PRCD: variants seen among roughly 807,000 people sequenced by gnomAD.
PRCD encodes photoreceptor disc component.
Under a neutral mutation model 10.1 loss-of-function variants are expected in PRCD, and 12 were observed. The ratio of observed to expected loss-of-function variants is 1.18; its 90% confidence interval spans 0.76 to 1.92. The LOEUF is 1.92. Among genes scored for constraint, PRCD ranks in the 40% most tolerant of loss-of-function variants. PRCD has a pLI of 0.00. For synonymous variants in PRCD, 31 were observed against 26.2 expected (o/e 1.18, Z -0.56); for missense variants, 61 against 72.2 (o/e 0.84, Z 0.56).
At chr17:76,542,827 C>T (rs529877952) in intron 3 of PRCD, among the ~76,000 whole-genome samples, 194 bp downstream of exon 3, 5 of 152,272 alleles carry the variant, frequency 3.3e-5, no homozygotes, top group African/African-American at 1.2e-4. Flanking sequence ...GGCCATGGGG[C>T]AAGGATGAGT....
At chr17:76,536,788 T>C (rs2074918281), upstream of PRCD, among the ~76,000 whole-genome samples, 1 of 152,160 alleles carries the variant, frequency 6.6e-6, no homozygotes, top group Non-Finnish European at 1.5e-5. Context: ...GATTGTATCC[T>C]AGGGGACTGT....
rs533594657 is a variant in PRCD, at chr17:76,528,561, G to T, written n.45+728G>T. Reference sequence around the variant, plus strand: ...CTGCTCGAGGTGCTGCCAGGGAGGGGGGTGGAGTTAGGGGTCCTACGGCCC... The same window carrying T: ...CTGCTCGAGGTGCTGCCAGGGAGGGTGGTGGAGTTAGGGGTCCTACGGCCC... On this transcript the variant is annotated intron_variant and non_coding_transcript_variant, in intron 1 of 4. Coordinates refer to the PRCD transcript ENST00000397633. The surrounding 1 kb of genome is among the most constrained non-coding windows in gnomAD (Gnocchi z 5.8). 4 of 1,291,302 alleles carry T rather than the reference G, an allele frequency of 3.1e-6. 1 individual carries two copies. In the South Asian group the frequency reaches 1.2e-4, roughly 38 times the overall value. 80.0% of individuals were successfully genotyped at this position (1,291,302 alleles called of 1,614,324 possible). A position where few individuals can be genotyped will look rare whatever the true frequency, so the allele number is the denominator to read the frequency against.
upstream of PRCD, chr17:76,538,013 G>C (rs1256371213): frequency 6.6e-6 from 1 of 151,464 alleles, no homozygotes; most frequent in East Asian, 1.9e-4. Flanking sequence ...GGCGGCGCGG[G>C]CCGCACAGGA....
Position 76,540,114 on chromosome 17 carries a change from G to A in PRCD, c.-28G>A, listed in dbSNP as rs756245857. On this transcript the variant is annotated 5_prime_UTR_variant, in exon 1 of 5. Transcript: ENST00000592014. This position sits in a 1 kb window ranked among gnomAD's most constrained non-coding sequence, Gnocchi z 5.0. Reference sequence around the variant, plus strand: ...TCGCCTGTGGCCTTCTGCAGACTTGGCCTGGGAGGGGATGGGGCAGCTGCG... The same window carrying A: ...TCGCCTGTGGCCTTCTGCAGACTTGACCTGGGAGGGGATGGGGCAGCTGCG... 1.9e-6 allele frequency: 3 copies of A among 1,588,454 alleles called. No individual in the cohort carries two copies. Among genetic ancestry groups the A allele is most frequent in the East Asian group, 2.3e-5 (1 of 44,008 alleles).
intron 3 of PRCD, 136 bp downstream of exon 3, chr17:76,542,769 C>G: frequency 1.5e-6 from 1 of 680,182 alleles, no homozygotes. Context: ...TCAAAGTAGG[C>G]GGATGGACTC....
chr17:76,531,289 G>T lies in PRCD; in HGVS notation n.45+3456G>T. ...TGGGAACCCCGTGCTCTCAGGACAA[G>T]GGTTGCCCTGGACCCAGCCCCTCCA... On this transcript the variant is annotated intron_variant and non_coding_transcript_variant, in intron 1 of 4. Transcript: ENST00000397633. The surrounding 1 kb of genome is among the most constrained non-coding windows in gnomAD (Gnocchi z 7.4). The T allele has an allele frequency of 1.7e-6, 2 of 1,199,198 alleles. No individual in the cohort carries two copies. The highest frequency in any genetic ancestry group is 2.3e-6 in the Non-Finnish European group (2 of 857,320). 74.3% of individuals were successfully genotyped at this position (1,199,198 alleles called of 1,614,324 possible).
upstream of PRCD, among the ~76,000 whole-genome samples, chr17:76,536,489 C>A (rs1238634002): frequency 1.3e-5 from 2 of 152,156 alleles, no homozygotes; most frequent in African/African-American, 4.8e-5. Flanking sequence ...TCTGCCTGCA[C>A]CCCCAGGGAC....
At position 76,528,483 on chromosome 17, in the gene PRCD, T is replaced by G; in HGVS notation, n.45+650T>G. 1 of 1,129,930 alleles carries G rather than the reference T, an allele frequency of 8.9e-7. No homozygotes were observed. The highest frequency in any genetic ancestry group is 1.6e-5 in the African/African-American group (1 of 62,084). The allele number at this position is 1,129,930 out of a possible 1,614,324, so 70.0% of individuals were successfully genotyped here. A position where few individuals can be genotyped will look rare whatever the true frequency, so the allele number is the denominator to read the frequency against. On this transcript the variant is annotated intron_variant and non_coding_transcript_variant, in intron 1 of 4. Transcript: ENST00000397633. This position sits in a 1 kb window ranked among gnomAD's most constrained non-coding sequence, Gnocchi z 5.8. ...AAGTTGAGTCAGGGATTCCTCCAGCTTCCTTGGCACCCAGAAATGGAGCGT... is the reference window on the plus strand; with the variant it reads ...AAGTTGAGTCAGGGATTCCTCCAGCGTCCTTGGCACCCAGAAATGGAGCGT...
chr17:76,542,817 G>A (rs1876379341), intron 3 of PRCD, among the ~76,000 whole-genome samples, 184 bp downstream of exon 3: 4 of 152,212 alleles, frequency 2.6e-5, no homozygotes, highest in Admixed American at 2.6e-4. Context: ...TTGTGGTCCG[G>A]GCCATGGGGC....
intron 1 of PRCD, among the ~76,000 whole-genome samples, chr17:76,532,254 G>C (rs747128240): frequency 2.0e-5 from 3 of 152,092 alleles, no homozygotes; most frequent in Non-Finnish European, 4.4e-5. Flanking sequence ...CACTATACTC[G>C]CATCATCCCT....
chr17:76,529,843 C>G (rs947456642), intron 1 of PRCD: 3 of 985,214 alleles, frequency 3.0e-6, no homozygotes, highest in Non-Finnish European at 3.6e-6. Flanking sequence ...CTGTGCACAT[C>G]TGGAGTTGGC....
At chr17:76,527,702 G>GA (rs772132310), upstream of PRCD, 4 of 453,914 alleles carry the variant, frequency 8.8e-6, no homozygotes, top group African/African-American at 4.0e-5. Context: ...CAGCAGCCCG[G>GA]ATCCCCCGGG....
chr17:76,543,191 G>C (rs1238123547), intron 4 of PRCD, 70 bp downstream of exon 4: 1 of 439,036 alleles, frequency 2.3e-6, no homozygotes, highest in Non-Finnish European at 4.7e-6. Flanking sequence ...GTGGGCTCCT[G>C]AGCAGGACCT....
Position 76,531,241 on chromosome 17 carries a change from C to G in PRCD, n.45+3408C>G. ...CCACGTGTGGCCGAGAGGATCATTC[C>G]TAACGCAACAGTCTGGCAGCTTTGG... is the stretch of plus-strand genomic sequence containing the variant. On this transcript the variant is annotated intron_variant and non_coding_transcript_variant, in intron 1 of 4. Transcript: ENST00000397633. The surrounding 1 kb of genome is among the most constrained non-coding windows in gnomAD (Gnocchi z 7.4). 1 of 1,366,118 alleles carries G rather than the reference C, an allele frequency of 7.3e-7. No individual in the cohort carries two copies. Among genetic ancestry groups the G allele is most frequent in the Non-Finnish European group, 1.0e-6 (1 of 995,960 alleles). The allele number at this position is 1,366,118 out of a possible 1,614,324, so 84.6% of individuals were successfully genotyped here. A position where few individuals can be genotyped will look rare whatever the true frequency, so the allele number is the denominator to read the frequency against.
rs1018531114 is a variant in PRCD at position 76,533,982 on chromosome 17, G to A, written n.45+6149G>A. Among the ~76,000 whole-genome samples the A allele has an allele frequency of 2.0e-5, 3 of 152,164 alleles. No homozygotes were observed. The highest frequency in any genetic ancestry group is 7.2e-5 in the African/African-American group (3 of 41,442). ...CGAGCCCAGGATTGGAGGCTGCCAT[G>A]AGCCATGATGGCGCCACCGTACTCC... On this transcript the variant is annotated intron_variant and non_coding_transcript_variant, in intron 1 of 4. Transcript: ENST00000397633. This position sits in a 1 kb window ranked among gnomAD's most constrained non-coding sequence, Gnocchi z 4.5.
chr17:76,548,081 C>T (rs968564204), downstream of PRCD, among the ~76,000 whole-genome samples: 3 of 151,996 alleles, frequency 2.0e-5, no homozygotes, highest in East Asian at 5.8e-4. Context: ...CATGTACACA[C>T]ACAAATAAAA....
upstream of PRCD, chr17:76,538,365 T>C: frequency 2.9e-6 from 1 of 350,166 alleles, no homozygotes. Context: ...CCGCCCCGGC[T>C]GTCGGAACTT....
upstream of PRCD, among the ~76,000 whole-genome samples, chr17:76,535,678 A>T (rs2074906158): frequency 6.6e-6 from 1 of 152,192 alleles, no homozygotes; most frequent in African/African-American, 2.4e-5. Context: ...GAACTGGAAG[A>T]GGGGTGTAGA....
At position 76,540,204 on chromosome 17, in the gene PRCD, C is replaced by T. The variant is rs1409634962; in HGVS notation, c.63C>T (p.Asn21=). 1.9e-6 allele frequency: 3 copies of T among 1,599,454 alleles called. No individual in the cohort carries two copies. Among genetic ancestry groups the T allele is most frequent in the African/African-American group, 2.7e-5 (2 of 72,890 alleles). The change falls in exon 1 of 5, where the codon AAC becomes AAT. Residue 21 remains asparagine (N), a synonymous_variant. Transcript: ENST00000592014. The surrounding 1 kb of genome is among the most constrained non-coding windows in gnomAD (Gnocchi z 5.0). The part of the protein sequence containing the change: ...LAMLWRRRFA[N]RVQPEPSDVD... ...TGCTCTGGCGCCGCCGATTTGCCAA[C>T]CGAGTCCAACCGTGAGAAACTGACC...
Sources: allele counts gnomAD v4.1 joint callset (sites outside exome capture counted in the v4.1 genomes callset), GRCh38; gene constraint gnomAD v4.1.1; non-coding constraint Gnocchi (gnomAD v3.1); transcripts MANE v1.5; gene names NCBI Gene and HGNC (gene_info 2026-07-23, HGNC 2026-07-21).